CHD1L: variants seen among roughly 807,000 people sequenced by gnomAD.
The protein encoded by CHD1L is chromodomain helicase DNA binding protein 1 like, also known as ATP-dependent chromatin remodeler CHD1L.
CHD1L carries 118 observed loss-of-function variants against 115.9 expected under a neutral mutation model. The ratio of observed to expected loss-of-function variants is 1.02; its 90% CI spans 0.88 to 1.19. The LOEUF is 1.19. Ranked by LOEUF, CHD1L falls within the 50% of genes most tolerant of loss-of-function variation. The probability of loss-of-function intolerance (pLI) is 0.00; values close to 1 mark genes in which losing one functional copy is unlikely to be tolerated. For synonymous variants in CHD1L, 411 were observed against 387.1 expected (o/e 1.06, Z -0.72); for missense variants, 1,179 against 1,065.3 (o/e 1.11, Z -1.49).
chr1:147,188,487 C>A, the CHD1L span, among the ~76,000 whole-genome samples: 5 of 135,500 alleles, frequency 3.7e-5, no homozygotes, highest in Admixed American at 8.2e-5. Context: ...CACACCACTT[C>A]ACTCCAGCCT....
Position 147,295,460 on chromosome 1 carries a change from T to TC in CHD1L, c.2647dup (p.Leu883ProfsTer91), listed in dbSNP as rs782565783. ...TATTTTCCTAGAAGCAAGTCTGCTGTCCTTCATTCACAGTCTTCATCTTCC... is the reference window on the plus strand; with the variant it reads ...TATTTTCCTAGAAGCAAGTCTGCTGTCCCTTCATTCACAGTCTTCATCTTCC... On this transcript the variant is annotated frameshift_variant, in exon 23 of 23. Coordinates refer to ENST00000369258, the MANE Select transcript of CHD1L (RefSeq NM_004284.6). LOFTEE classifies it low-confidence loss of function (END_TRUNC). 6.2e-7 allele frequency: 1 copy of TC among 1,611,682 alleles called. No homozygotes were observed. The highest frequency in any genetic ancestry group is 1.1e-5 in the South Asian group (1 of 90,952).
At chr1:147,282,569 C>T (rs1031449150) in intron 15 of CHD1L, among the ~76,000 whole-genome samples, 1 of 152,196 alleles carries the variant, frequency 6.6e-6, no homozygotes, top group African/African-American at 2.4e-5. Flanking sequence ...TGAACTTTTT[C>T]ATCCACCATT....
At position 147,294,413 on chromosome 1, in the gene CHD1L, T is replaced by A; in HGVS notation, c.2511T>A (p.Ser837Arg). The A allele has an allele frequency of 6.2e-7, 1 of 1,609,820 alleles. No homozygotes were observed. The highest frequency in any genetic ancestry group is 2.2e-5 in the East Asian group (1 of 44,698). Residue 837 changes from serine to arginine, a missense_variant, in exon 22 of 23, where the codon AGT (serine) becomes AGA (arginine). Physicochemically the swap from Ser to Arg is moderately radical, Grantham distance 110. Transcript: ENST00000369258. Reference sequence around the variant, plus strand: ...GTGTTCTTCTCTTCATAATAGCAAGTGTTCATCTTCCACGTATTGGACATG... The same window carrying A: ...GTGTTCTTCTCTTCATAATAGCAAGAGTTCATCTTCCACGTATTGGACATG... ...IFLAAKKKKASVHLPRIGHAT... is the reference protein window; with the variant it reads ...IFLAAKKKKARVHLPRIGHAT...
chr1:147,265,967 C>A lies in CHD1L; in HGVS notation c.775C>A (p.Leu259Met). 1 of 1,613,400 alleles carries A rather than the reference C, an allele frequency of 6.2e-7. No individual in the cohort carries two copies. Among genetic ancestry groups the A allele is most frequent in the African/African-American group, 1.3e-5 (1 of 74,924 alleles). Residue 259 changes from leucine (L) to methionine (M), a missense_variant, in exon 8 of 23, where the codon CTG becomes ATG. Leu to Met is a conservative substitution (Grantham distance 15). Coordinates refer to ENST00000369258, the MANE Select transcript of CHD1L (RefSeq NM_004284.6). The stretch of plus-strand genomic sequence containing the variant: ...GCACAAACTCTTGCAGCCATTTCTG[C>A]TGAGGCGAGTGAAAGCTGAGGTAGC... ...ELHKLLQPFL[L>M]RRVKAEVATE...
the CHD1L span, among the ~76,000 whole-genome samples, chr1:147,213,745 G>C: frequency 6.6e-6 from 1 of 152,154 alleles, no homozygotes; most frequent in Non-Finnish European, 1.5e-5. Context: ...CAGGTCCTAA[G>C]GCACTGTAAC....
chr1:147,177,740 C>G, the CHD1L span, among the ~76,000 whole-genome samples: 2 of 152,068 alleles, frequency 1.3e-5, no homozygotes, highest in African/African-American at 4.8e-5. Flanking sequence ...TCAAGGCCAC[C>G]AAAAACAAGG....
the CHD1L span, among the ~76,000 whole-genome samples, chr1:147,233,443 G>A: frequency 5.0e-5 from 6 of 118,854 alleles, no homozygotes; most frequent in Admixed American, 7.7e-5. Flanking sequence ...CCCCCCGCCC[G>A]GCCAGCCGCC....
the CHD1L span, among the ~76,000 whole-genome samples, chr1:147,233,653 G>C: frequency 3.9e-5 from 6 of 152,168 alleles, no homozygotes; most frequent in Admixed American, 1.3e-4. Flanking sequence ...GGAATAGAAA[G>C]GGGGGAAAGG....
chr1:147,289,714 C>A (rs1684758435), intron 19 of CHD1L, among the ~76,000 whole-genome samples: 1 of 152,182 alleles, frequency 6.6e-6, no homozygotes. Flanking sequence ...TCCCCAACTG[C>A]TCATTACAAC....
At chr1:147,198,780 G>A in the CHD1L span, among the ~76,000 whole-genome samples, 1 of 150,420 alleles carries the variant, frequency 6.6e-6, no homozygotes, top group East Asian at 1.9e-4. Context: ...GAACCCAGAA[G>A]GTGGAACTTG....
the CHD1L span, among the ~76,000 whole-genome samples, chr1:147,232,840 G>C: frequency 6.6e-6 from 1 of 152,126 alleles, no homozygotes; most frequent in Admixed American, 6.6e-5. Context: ...GCGTGATCTC[G>C]GCTCGCTACA....
chr1:147,268,685 T>C, intron 9 of CHD1L, 97 bp from the exon 10 acceptor site: 1 of 882,234 alleles, frequency 1.1e-6, no homozygotes, highest in African/African-American at 1.7e-5. Context: ...AACAACTACT[T>C]ATATGATGAG....
At chr1:147,179,238 T>G in the CHD1L span, 1 of 1,613,526 alleles carries the variant, frequency 6.2e-7, no homozygotes, top group Non-Finnish European at 8.5e-7. Context: ...AGAGCAATGA[T>G]GGGCCTGTGA....
At chr1:147,282,578 T>C (rs782782047) in intron 15 of CHD1L, among the ~76,000 whole-genome samples, 3 of 152,180 alleles carry the variant, frequency 2.0e-5, no homozygotes, top group Non-Finnish European at 4.4e-5. Context: ...TCATCCACCA[T>C]TGCCTCATAG....
At chr1:147,234,926 C>T in the CHD1L span, among the ~76,000 whole-genome samples, 402 of 152,194 alleles carry the variant, frequency 2.6e-3, 3 homozygotes, top group African/African-American at 8.9e-3. Flanking sequence ...TTCCACTGTC[C>T]AAGGCAAATC....
the CHD1L span, chr1:147,176,488 A>G: frequency 6.6e-6 from 1 of 152,202 alleles, no homozygotes; most frequent in African/African-American, 2.4e-5. Context: ...AGTATAGTCC[A>G]TTTATTTCAA....
chr1:147,263,884 G>A (rs1345891116), intron 6 of CHD1L, among the ~76,000 whole-genome samples: 2 of 151,860 alleles, frequency 1.3e-5, no homozygotes, highest in East Asian at 3.9e-4. Context: ...GATTCTCTGT[G>A]GTGCTGTGTC....
chr1:147,283,635 A>G (rs1681834457), intron 15 of CHD1L, among the ~76,000 whole-genome samples: 1 of 152,214 alleles, frequency 6.6e-6, no homozygotes. Flanking sequence ...ATGAAGTGCT[A>G]TTCAAGATGA....
the CHD1L span, chr1:147,201,204 G>A: frequency 2.0e-5 from 33 of 1,614,016 alleles, no homozygotes; most frequent in Middle Eastern, 1.6e-4. Flanking sequence ...TGGGCATAAT[G>A]GCTCCTAAGG....
Sources: allele counts gnomAD v4.1 joint callset (sites outside exome capture counted in the v4.1 genomes callset), GRCh38; gene constraint gnomAD v4.1.1; transcripts MANE v1.5; gene names NCBI Gene and HGNC (gene_info 2026-07-23, HGNC 2026-07-21).